TRHDE: variants seen among roughly 807,000 people sequenced by gnomAD.
TRHDE encodes the protein thyrotropin-releasing hormone-degrading ectoenzyme.
Under a neutral mutation model 125.7 loss-of-function variants are expected in TRHDE, and 72 were observed. The ratio of observed to expected loss-of-function variants is 0.57; its 90% CI spans 0.47 to 0.70. TRHDE has a LOEUF of 0.70. TRHDE is among the 30% of genes least tolerant of loss of function. TRHDE has a pLI of 0.00. For synonymous variants in TRHDE, 509 were observed against 509.1 expected (o/e 1.00, Z 0.00); for missense variants, 1,110 against 1,327.1 (o/e 0.84, Z 2.54).
intron 2 of TRHDE, among the ~76,000 whole-genome samples, chr12:72,290,898 C>G (rs1880063964): frequency 6.6e-6 from 1 of 152,184 alleles, no homozygotes; most frequent in East Asian, 1.9e-4. Context: ...TTAAGACATT[C>G]TATTGGTTAT....
intron 6 of TRHDE, among the ~76,000 whole-genome samples, chr12:72,533,115 G>A (rs972018163): frequency 6.6e-6 from 1 of 151,642 alleles, no homozygotes; most frequent in African/African-American, 2.4e-5. Flanking sequence ...TGTTTTTGGT[G>A]TATTTCTTAT....
chr12:72,469,691 T>C, intron 3 of TRHDE, 67 bp from the exon 4 acceptor site: 1 of 1,530,234 alleles, frequency 6.5e-7, no homozygotes, highest in Non-Finnish European at 8.9e-7. Context: ...TGGACACTTT[T>C]TAGGATATAA....
chr12:72,215,990 A>T (rs1877882575), intron 2 of TRHDE, among the ~76,000 whole-genome samples: 1 of 152,218 alleles, frequency 6.6e-6, no homozygotes, highest in Admixed American at 6.5e-5. Context: ...AGCTGGGTTT[A>T]CATGTCATCT....
chr12:72,415,492 T>C (rs2135819874), intron 3 of TRHDE, among the ~76,000 whole-genome samples: 1 of 152,056 alleles, frequency 6.6e-6, no homozygotes, highest in Admixed American at 6.6e-5. Context: ...TCTAACTATA[T>C]TTTTGTTCCT....
intron 2 of TRHDE, among the ~76,000 whole-genome samples, chr12:72,178,855 G>A (rs1200291884): frequency 2.0e-5 from 3 of 151,972 alleles, no homozygotes; most frequent in African/African-American, 7.3e-5. Context: ...TAAATCCAGG[G>A]CAAGAAATAT....
chr12:72,397,923 G>A (rs887838468), intron 3 of TRHDE, among the ~76,000 whole-genome samples: 4 of 151,342 alleles, frequency 2.6e-5, no homozygotes, highest in African/African-American at 9.7e-5. Flanking sequence ...ATGCTGGTGC[G>A]CTGCACCCAC....
In TRHDE at chr12:72,334,710, C is replaced by T. The variant is rs74103454; in HGVS notation, c.1189-43285C>T. 8.4e-3 allele frequency among the ~76,000 whole-genome samples: 1,273 copies of T among 152,288 alleles called. 31 individuals are homozygous for T. The highest frequency in any genetic ancestry group is 0.03 in the African/African-American group (1,227 of 41,560). On this transcript the variant is annotated intron_variant, in intron 2 of 18. Coordinates refer to ENST00000261180, the MANE Select transcript of TRHDE (RefSeq NM_013381.3). ...TGACCTTGTGTTCACTCTGGCCTCC[C>T]AGGGAAAACCCAGCCTTAGTAGGCC... is the stretch of plus-strand genomic sequence containing the variant.
intron 2 of TRHDE, among the ~76,000 whole-genome samples, chr12:72,187,809 G>A (rs926079463): frequency 6.6e-6 from 1 of 152,126 alleles, no homozygotes; most frequent in African/African-American, 2.4e-5. Context: ...AGGCAGAACT[G>A]GGATTTACAT....
rs1592520250 is a variant in TRHDE, at chr12:72,286,869, A to T, written c.1103A>T (p.Gln368Leu). The T allele has an allele frequency of 4.3e-6, 7 of 1,613,958 alleles. No individual in the cohort carries two copies. The highest frequency in any genetic ancestry group is 5.9e-6 in the Non-Finnish European group (7 of 1,179,988). Reference sequence around the variant, plus strand: ...GGATGGGTTACGGATCACTTTTCACAGACCCCTCTCATGTCCACATATTAT... The same window carrying T: ...GGATGGGTTACGGATCACTTTTCACTGACCCCTCTCATGTCCACATATTAT... The part of the protein sequence containing the change: ...EDGWVTDHFS[Q>L]TPLMSTYYLA... Residue 368 changes from glutamine to leucine, a missense_variant, in exon 2 of 19, where the codon CAG (glutamine) becomes CTG (leucine). Transcript: ENST00000261180.
chr12:72,541,280 C>T (rs1057445481), intron 6 of TRHDE, among the ~76,000 whole-genome samples: 2 of 151,536 alleles, frequency 1.3e-5, no homozygotes, highest in African/African-American at 4.8e-5. Context: ...CATACCAATT[C>T]AATTTGGTCA....
rs576495094 is a variant in TRHDE, at chr12:72,148,738, A to G, written n.279+42986A>G. Among the ~76,000 whole-genome samples, 24 of 152,320 alleles carry G rather than the reference A, an allele frequency of 1.6e-4. No individual in the cohort carries two copies. The South Asian group carries it at 4.6e-3, about 29-fold the overall frequency. The stretch of plus-strand genomic sequence containing the variant: ...TGATCTCTCAGTTCTTGGTCTTCCA[A>G]GCACGTTTCAATCTCCTATGAATTC... On this transcript the variant is annotated intron_variant and non_coding_transcript_variant, in intron 2 of 4. Coordinates refer to the TRHDE transcript ENST00000548156.
intron 12 of TRHDE, chr12:72,610,560 G>A (rs1872595793): frequency 6.6e-6 from 1 of 152,156 alleles, no homozygotes; most frequent in African/African-American, 2.4e-5. Context: ...AACAATCTGA[G>A]CTCCCACTGT....
chr12:72,519,560 A>C (rs1414278320), intron 6 of TRHDE, among the ~76,000 whole-genome samples: 1 of 152,052 alleles, frequency 6.6e-6, no homozygotes, highest in Non-Finnish European at 1.5e-5. Flanking sequence ...CTTTTTTCAA[A>C]GTTTTAAACT....
At chr12:72,489,344 G>C (rs1335897989) in intron 5 of TRHDE, among the ~76,000 whole-genome samples, 1 of 151,214 alleles carries the variant, frequency 6.6e-6, no homozygotes, top group Non-Finnish European at 1.5e-5. Context: ...AAATAAAAAA[G>C]AATACCCAAA....
At chr12:72,280,188 C>T (rs1011727414) in intron 1 of TRHDE, among the ~76,000 whole-genome samples, 1 of 152,092 alleles carries the variant, frequency 6.6e-6, no homozygotes, top group African/African-American at 2.4e-5. Context: ...GCCAGATTTC[C>T]TAATTGCTGT....
At chr12:72,415,196 G>A (rs923506716) in intron 3 of TRHDE, among the ~76,000 whole-genome samples, 4 of 152,088 alleles carry the variant, frequency 2.6e-5, no homozygotes, top group African/African-American at 9.7e-5. Context: ...GTTCATTAAT[G>A]TATTACTTAG....
chr12:72,443,587 G>GA (rs1286632718), intron 3 of TRHDE, among the ~76,000 whole-genome samples: 1 of 151,618 alleles, frequency 6.6e-6, no homozygotes, highest in African/African-American at 2.4e-5. Flanking sequence ...TGTATTGTGA[G>GA]AAAAAATGGA....
intron 2 of TRHDE, among the ~76,000 whole-genome samples, chr12:72,214,727 G>GA (rs920705796): frequency 1.6e-4 from 25 of 151,866 alleles, no homozygotes. Flanking sequence ...TGTTTTTGAA[G>GA]AAAAAAACAG....
intron 2 of TRHDE, among the ~76,000 whole-genome samples, chr12:72,373,486 A>C (rs905912392): frequency 6.6e-6 from 1 of 152,148 alleles, no homozygotes; most frequent in African/African-American, 2.4e-5. Flanking sequence ...GTTTCATGTG[A>C]CTTGAGCTAA....
Sources: allele counts gnomAD v4.1 joint callset (sites outside exome capture counted in the v4.1 genomes callset), GRCh38; gene constraint gnomAD v4.1.1; transcripts MANE v1.5; gene names NCBI Gene and HGNC (gene_info 2026-07-23, HGNC 2026-07-21).